The following ERG28 variants were observed in gnomAD, a reference collection of about 807,000 sequenced individuals.
The protein encoded by ERG28 is ergosterol biosynthesis 28 homolog.
A neutral mutation model predicts 15.7 loss-of-function variants in ERG28; 9 were observed. The ratio of observed to expected loss-of-function variants is 0.57; its 90% CI spans 0.35 to 1.00. The LOEUF (loss-of-function observed/expected upper bound fraction) is 1.00. Among genes scored for constraint, ERG28 ranks in the 50% least tolerant of loss-of-function variants. The pLI, the probability that ERG28 is intolerant of heterozygous loss-of-function variation, is 0.02. For synonymous variants in ERG28, 61 were observed against 68.4 expected (o/e 0.89, Z 0.53); for missense variants, 117 against 173.3 (o/e 0.68, Z 1.82).
chr14:75,654,146 G>C (rs1047498049), intron 3 of ERG28, among the ~76,000 whole-genome samples: 1 of 152,190 alleles, frequency 6.6e-6, no homozygotes, highest in African/African-American at 2.4e-5. Flanking sequence ...CATAATAAGA[G>C]GGGCTCAATA....
intron 2 of ERG28, among the ~76,000 whole-genome samples, chr14:75,655,579 G>A (rs1443799876): frequency 1.3e-5 from 2 of 152,202 alleles, no homozygotes; most frequent in African/African-American, 4.8e-5. Flanking sequence ...TCCTGCTGTT[G>A]GTAGCTTTGT....
At chr14:75,657,854 T>C (rs2140065590) in intron 1 of ERG28, among the ~76,000 whole-genome samples, 1 of 152,342 alleles carries the variant, frequency 6.6e-6, no homozygotes, top group African/African-American at 2.4e-5. Context: ...CACAGACACC[T>C]GCCTGGCTAT....
In ERG28 at chr14:75,651,883, A is replaced by T; in HGVS notation, c.231T>A (p.Tyr77Ter). 6.2e-7 allele frequency: 1 copy of T among 1,605,294 alleles called. No homozygotes were observed. Among genetic ancestry groups the T allele is most frequent in the Non-Finnish European group, 8.5e-7 (1 of 1,171,916 alleles). Residue 77 changes from tyrosine (Y) to a stop codon, truncating the protein, a stop_gained, in exon 4 of 5, where the codon TAT (tyrosine) becomes TAA (stop). Coordinates refer to ENST00000256319, the MANE Select transcript of ERG28 (RefSeq NM_007176.4). LOFTEE classifies it high-confidence loss of function. ...GGAGGAAGGTCCAGAGTGTGATGTG[A>T]TAGAGCCTATAAGGAAGCAGACAGA... ...CAIDIHNKTL[Y>*]HITLWTFLLA...
intron 1 of ERG28, among the ~76,000 whole-genome samples, chr14:75,660,554 G>A (rs1890675073): frequency 6.6e-6 from 1 of 152,192 alleles, no homozygotes; most frequent in Non-Finnish European, 1.5e-5. Flanking sequence ...CATAGTGGCT[G>A]CTCATTCGCT....
chr14:75,657,601 A>G, intron 1 of ERG28, 68 bp from the exon 2 acceptor site: 1 of 1,459,170 alleles, frequency 6.9e-7, no homozygotes, highest in South Asian at 1.2e-5. Flanking sequence ...GCAGGAAGGG[A>G]GGAAGAATGA....
intron 1 of ERG28, among the ~76,000 whole-genome samples, chr14:75,658,580 T>C (rs1890628575): frequency 6.6e-6 from 1 of 152,342 alleles, no homozygotes; most frequent in Non-Finnish European, 1.5e-5. Context: ...TTGAGTGTCT[T>C]GGTGTCCTGA....
Position 75,657,432 on chromosome 14 carries a change from A to G in ERG28, c.71T>C (p.Leu24Pro), listed in dbSNP as rs776236284. The change falls in exon 2 of 5, where the codon CTG becomes CCG. Residue 24 changes from leucine to proline, a missense_variant. Transcript: ENST00000256319. ...AAAAGTGTGGTCTCGGAAGCTCTGC[A>G]GCGTGTTCCCCATGGCTATGATGGA... Reference protein sequence around the residue: ...MVSIIAMGNTLQSFRDHTFLY... With the variant: ...MVSIIAMGNTPQSFRDHTFLY... 3.7e-6 allele frequency: 6 copies of G among 1,614,088 alleles called. No individual in the cohort carries two copies. Among genetic ancestry groups the G allele is most frequent in the Non-Finnish European group, 5.1e-6 (6 of 1,179,976 alleles).
At chr14:75,652,190 C>T (rs897197748) in intron 3 of ERG28, among the ~76,000 whole-genome samples, 1 of 152,164 alleles carries the variant, frequency 6.6e-6, no homozygotes, top group Non-Finnish European at 1.5e-5. Context: ...TGATGACAAT[C>T]GCAGGCAGTG....
In ERG28 at chr14:75,659,946, G is replaced by A. The variant is rs138334829; in HGVS notation, c.-32+829C>T. Among the ~76,000 whole-genome samples, 1,349 of 151,162 alleles carry A rather than the reference G, an allele frequency of 8.9e-3. 23 individuals are homozygous for A. Among genetic ancestry groups the A allele is most frequent in the African/African-American group, 0.032 (1,298 of 41,140 alleles). On this transcript the variant is annotated intron_variant, in intron 1 of 4. Transcript: ENST00000256319. The stretch of plus-strand genomic sequence containing the variant: ...GAAGGGTGAATTGATGAGCCCTTCA[G>A]GGAGAGCTGGATCACAAAGGTGGTC...
At chr14:75,655,261 T>A (rs1367979248) in intron 2 of ERG28, among the ~76,000 whole-genome samples, 1 of 152,200 alleles carries the variant, frequency 6.6e-6, no homozygotes, top group Non-Finnish European at 1.5e-5. Flanking sequence ...CTAGATATAG[T>A]AATTTACCCC....
At chr14:75,653,100 A>T (rs1034372720) in intron 3 of ERG28, among the ~76,000 whole-genome samples, 2 of 152,078 alleles carry the variant, frequency 1.3e-5, no homozygotes, top group Non-Finnish European at 2.9e-5. Context: ...CTGGGATTAC[A>T]GGCAGAAGCC....
At chr14:75,652,466 G>A (rs1890539644) in intron 3 of ERG28, among the ~76,000 whole-genome samples, 1 of 152,174 alleles carries the variant, frequency 6.6e-6, no homozygotes, top group Admixed American at 6.5e-5. Flanking sequence ...CATGGGAAAA[G>A]AACTTATCTT....
At position 75,651,752 on chromosome 14, in the gene ERG28, A is replaced by AGGGT. The variant is rs2140062593; in HGVS notation, c.343+15_343+18dup. The AGGGT allele has an allele frequency of 6.2e-7, 1 of 1,601,388 alleles. No homozygotes were observed. ...CTGGCACAGCTCCTGTAGGAGGTCTAGGGTGGTTGGATGCTTACTTGCCAC... is the reference window on the plus strand; with the variant it reads ...CTGGCACAGCTCCTGTAGGAGGTCTAGGGTGGGTGGTTGGATGCTTACTTGCCAC... On this transcript the variant is annotated intron_variant, in intron 4 of 4. Transcript: ENST00000256319.
chr14:75,657,285 T>G, intron 2 of ERG28, 85 bp downstream of exon 2: 2 of 1,493,782 alleles, frequency 1.3e-6, no homozygotes, highest in Non-Finnish European at 1.8e-6. Flanking sequence ...TAGGTTACTC[T>G]GATGTACAGC....
At chr14:75,660,187 G>C (rs2140067390) in intron 1 of ERG28, among the ~76,000 whole-genome samples, 1 of 152,352 alleles carries the variant, frequency 6.6e-6, no homozygotes, top group South Asian at 2.1e-4. Flanking sequence ...CCAACAGATA[G>C]CTGATGAGGA....
At chr14:75,657,566 G>A (rs1890615000) in intron 1 of ERG28, 33 bp from the exon 2 acceptor site, 1 of 1,592,284 alleles carries the variant, frequency 6.3e-7, no homozygotes, top group South Asian at 1.1e-5. Context: ...ATGAGACAAT[G>A]AGGGCCAGTC....
At chr14:75,654,286 A>G (rs924207249) in intron 3 of ERG28, among the ~76,000 whole-genome samples, 8 of 152,182 alleles carry the variant, frequency 5.3e-5, no homozygotes, top group African/African-American at 1.9e-4. Flanking sequence ...CTAGAGTGTG[A>G]TGATGACTCC....
rs1314070396 is a variant in ERG28, at chr14:75,660,863, C to G, written c.-120G>C. The G allele has an allele frequency of 6.6e-6, 1 of 152,624 alleles. No individual in the cohort carries two copies. Among genetic ancestry groups the G allele is most frequent in the East Asian group, 1.9e-4 (1 of 5,206 alleles). The allele number at this position is 152,624 out of a possible 1,614,324, so 9.5% of individuals were successfully genotyped here. On this transcript the variant is annotated 5_prime_UTR_variant, in exon 1 of 5. Transcript: ENST00000256319. ...AGGACAGCTCCAGCCCGGAGTCCAC[C>G]TGAGCCATTTGTCCCCGCCCCCTCC...
intron 3 of ERG28, among the ~76,000 whole-genome samples, chr14:75,653,744 C>T (rs1174380713): frequency 6.6e-6 from 1 of 152,106 alleles, no homozygotes; most frequent in Admixed American, 6.5e-5. Context: ...TCAATCCTCC[C>T]TTCCTCTTAG....
Sources: allele counts gnomAD v4.1 joint callset (sites outside exome capture counted in the v4.1 genomes callset), GRCh38; gene constraint gnomAD v4.1.1; transcripts MANE v1.5; gene names NCBI Gene and HGNC (gene_info 2026-07-23, HGNC 2026-07-21).